Variants in LONRF2 observed in about 807,000 individuals in gnomAD.
LONRF2 encodes LON peptidase N-terminal domain and ring finger 2.
Under a neutral mutation model 66.6 loss-of-function variants are expected in LONRF2, and 35 were observed. The observed-to-expected ratio is 0.53, with a 90% CI of 0.40 to 0.70. The LOEUF is 0.70. Ranked by LOEUF, LONRF2 falls within the 30% of genes least tolerant of loss-of-function variation. LONRF2 has a pLI of 0.00. For missense variants in LONRF2, 902 were observed against 1,002.1 expected, an observed-to-expected ratio of 0.90 and a Z score of 1.35; for synonymous variants, 417 against 418.1, an observed-to-expected ratio of 1.00 and a Z score of 0.03.
chr2:100,298,630 T>C (rs1261402451), intron 7 of LONRF2, among the ~76,000 whole-genome samples: 1 of 152,208 alleles, frequency 6.6e-6, no homozygotes, highest in East Asian at 1.9e-4. Context: ...TACCTAAAAA[T>C]GTCCTTAACA....
rs1261140583 is a variant in LONRF2 at position 100,274,140 on chromosome 2, A to C, written c.*10158T>G. ...TCATCCTTCAAAGGTCACATGCGCCAACCAGCCGAGACTCATGACAGTAAA... is the reference window on the plus strand; with the variant it reads ...TCATCCTTCAAAGGTCACATGCGCCCACCAGCCGAGACTCATGACAGTAAA... On this transcript the variant is annotated 3_prime_UTR_variant, in exon 12 of 12. Coordinates refer to ENST00000393437, the MANE Select transcript of LONRF2 (RefSeq NM_198461.4). The C allele has an allele frequency of 6.6e-6, 1 of 152,172 alleles. No homozygotes were observed. Among genetic ancestry groups the C allele is most frequent in the East Asian group, 1.9e-4 (1 of 5,192 alleles). 9.4% of individuals were successfully genotyped at this position (152,172 alleles called of 1,614,324 possible). A position where few individuals can be genotyped will look rare whatever the true frequency, so the allele number is the denominator to read the frequency against.
rs549236388 is a variant in LONRF2, at chr2:100,278,447, C to G, written c.*5851G>C. On this transcript the variant is annotated 3_prime_UTR_variant, in exon 12 of 12. Transcript: ENST00000393437. ...AGGCCGTGCAGCTGCTCATCCGATACGGGACCCACTTGAGCCTAAACTTCC... is the reference window on the plus strand; with the variant it reads ...AGGCCGTGCAGCTGCTCATCCGATAGGGGACCCACTTGAGCCTAAACTTCC... 1 of 152,206 alleles carries G rather than the reference C, an allele frequency of 6.6e-6. No individual in the cohort carries two copies. Among genetic ancestry groups the G allele is most frequent in the African/African-American group, 2.4e-5 (1 of 41,396 alleles). The allele number at this position is 152,206 out of a possible 1,614,324, so 9.4% of individuals were successfully genotyped here.
At position 100,277,653 on chromosome 2, in the gene LONRF2, T is replaced by C. The variant is rs7590008; in HGVS notation, c.*6645A>G. The C allele has an allele frequency of 0.65, 98,785 of 151,448 alleles. 32,812 individuals are homozygous for C. The highest frequency in any genetic ancestry group is 0.96 in the East Asian group (4,937 of 5,136). The allele number at this position is 151,448 out of a possible 1,614,324, so 9.4% of individuals were successfully genotyped here. ...ATGGAGCCCAAGAGAATGTTGCTGCTTCCCATCTTTTAGCCAGCATGCCCT... is the reference window on the plus strand; with the variant it reads ...ATGGAGCCCAAGAGAATGTTGCTGCCTCCCATCTTTTAGCCAGCATGCCCT... On this transcript the variant is annotated 3_prime_UTR_variant, in exon 12 of 12. Transcript: ENST00000393437.
At position 100,292,413 on chromosome 2, in the gene LONRF2, A is replaced by T. The variant is rs1198172133; in HGVS notation, c.1757+1816T>A. On this transcript the variant is annotated intron_variant, in intron 9 of 11. Transcript: ENST00000393437. ...ATTAGCAATTTGTTTAAAAAAAGAA[A>T]AATAGCTGAATTCTTCCTACACACT... 2.6e-5 allele frequency among the ~76,000 whole-genome samples: 4 copies of T among 152,244 alleles called. No homozygotes were observed. The East Asian group carries it at 7.7e-4, about 29-fold the overall frequency.
At chr2:100,285,593 G>A (rs1674829431) in intron 11 of LONRF2, among the ~76,000 whole-genome samples, 1 of 152,184 alleles carries the variant, frequency 6.6e-6, no homozygotes, top group Non-Finnish European at 1.5e-5. Context: ...GGATTATCCT[G>A]ATGGGCCCAA....
chr2:100,289,886 T>C (rs1406076252), intron 10 of LONRF2, among the ~76,000 whole-genome samples: 2 of 152,152 alleles, frequency 1.3e-5, no homozygotes, highest in African/African-American at 4.8e-5. Context: ...GGAGGACTGC[T>C]TGAGCCCAGG....
Position 100,284,379 on chromosome 2 carries a change from G to A in LONRF2, c.2184C>T (p.Ala728=), listed in dbSNP as rs760277383. 3.1e-6 allele frequency: 5 copies of A among 1,599,402 alleles called. No homozygotes were observed. In the African/African-American group the frequency reaches 5.3e-5, roughly 17 times the overall value. ...GMTSLKERLL[A]IRRILVIITR... ...TGATGATGACTAATATCCGTCGGAT[G>A]GCAAGGAGCCGCTCTTTGAGCGAGG... The change falls in exon 12 of 12, where the codon GCC becomes GCT. Residue 728 remains alanine (A), a synonymous_variant. Transcript: ENST00000393437.
Position 100,309,095 on chromosome 2 carries a change from A to T in LONRF2, c.798+12T>A. 6.6e-7 allele frequency: 1 copy of T among 1,506,714 alleles called. No homozygotes were observed. Among genetic ancestry groups the T allele is most frequent in the Non-Finnish European group, 9.0e-7 (1 of 1,109,860 alleles). 93.3% of individuals were successfully genotyped at this position (1,506,714 alleles called of 1,614,324 possible). ...CACATTGATTATCTCCAAAGCTAAC[A>T]AATACAAATACCTTAATCAAGAGAG... is the stretch of plus-strand genomic sequence containing the variant. On this transcript the variant is annotated intron_variant, in intron 2 of 11. Transcript: ENST00000393437.
At position 100,281,998 on chromosome 2, in the gene LONRF2, A is replaced by G. The variant is rs561375760; in HGVS notation, c.*2300T>C. ...GTTTCTAAGTGCTCAGTAAGTACCA[A>G]TCTACTCCCACACTGCAGTATGTGG... On this transcript the variant is annotated 3_prime_UTR_variant, in exon 12 of 12. Coordinates refer to ENST00000393437, the MANE Select transcript of LONRF2 (RefSeq NM_198461.4). 2.6e-5 allele frequency: 4 copies of G among 152,162 alleles called. No individual in the cohort carries two copies. Among genetic ancestry groups the G allele is most frequent in the East Asian group, 1.9e-4 (1 of 5,176 alleles). 9.4% of individuals were successfully genotyped at this position (152,162 alleles called of 1,614,324 possible). A position where few individuals can be genotyped will look rare whatever the true frequency, so the allele number is the denominator to read the frequency against.
Position 100,321,733 on chromosome 2 carries a change from C to A in LONRF2, c.361G>T (p.Glu121Ter), listed in dbSNP as rs1193193209. The change falls in exon 1 of 12, where the codon GAG (glutamate) becomes TAG (stop). Residue 121 changes from glutamate to a stop codon, truncating the protein, a stop_gained. Coordinates refer to ENST00000393437, the MANE Select transcript of LONRF2 (RefSeq NM_198461.4). LOFTEE classifies it high-confidence loss of function. ...RPLSAENPGG[E>*]PEAPGEGGPA... The stretch of plus-strand genomic sequence containing the variant: ...CCTCCCTCGCCGGGCGCCTCGGGCT[C>A]GCCGCCCGGGTTCTCCGCGGACAGC... 2 of 1,115,900 alleles carry A rather than the reference C, an allele frequency of 1.8e-6. No homozygotes were observed. The highest frequency in any genetic ancestry group is 2.2e-6 in the Non-Finnish European group (2 of 916,622). 69.1% of individuals were successfully genotyped at this position (1,115,900 alleles called of 1,614,324 possible). A position where few individuals can be genotyped will look rare whatever the true frequency, so the allele number is the denominator to read the frequency against.
At position 100,295,505 on chromosome 2, in the gene LONRF2, T is replaced by C. The variant is rs772851549; in HGVS notation, c.1525A>G (p.Ile509Val). 27 of 1,613,702 alleles carry C rather than the reference T, an allele frequency of 1.7e-5. No individual in the cohort carries two copies. In the Admixed American group the frequency reaches 4.3e-4, roughly 26 times the overall value. Residue 509 changes from isoleucine (I) to valine (V), a missense_variant, in exon 8 of 12, where the codon ATA (isoleucine) becomes GTA (valine). Transcript: ENST00000393437. Reference protein sequence around the residue: ...FNITVLAEELIFRYLPDELSD... With the variant: ...FNITVLAEELVFRYLPDELSD... ...AATTCATCCGGCAAATATCGAAATA[T>C]TAATTCTTCGGCCAGAACAGTTATG...
At position 100,322,239 on chromosome 2, in the gene LONRF2, G is replaced by A. The variant is rs1425845776; in HGVS notation, c.-146C>T. The A allele has an allele frequency of 1.1e-5, 9 of 785,740 alleles. No homozygotes were observed. Among genetic ancestry groups the A allele is most frequent in the Non-Finnish European group, 1.5e-5 (9 of 605,240 alleles). The allele number at this position is 785,740 out of a possible 1,614,324, so 48.7% of individuals were successfully genotyped here. A position where few individuals can be genotyped will look rare whatever the true frequency, so the allele number is the denominator to read the frequency against. Reference sequence around the variant, plus strand: ...TGGGGGCGGCGCGCTGCGAGCGGCTGAGACCGCGGGCGGGGGCGGGCGCCT... The same window carrying A: ...TGGGGGCGGCGCGCTGCGAGCGGCTAAGACCGCGGGCGGGGGCGGGCGCCT... On this transcript the variant is annotated 5_prime_UTR_variant, in exon 1 of 12. Transcript: ENST00000393437.
chr2:100,298,425 A>T (rs1212552091), intron 7 of LONRF2, among the ~76,000 whole-genome samples: 2 of 152,200 alleles, frequency 1.3e-5, no homozygotes, highest in Admixed American at 1.3e-4. Flanking sequence ...ATAACTGACA[A>T]CTGTAAAAGC....
rs747801528 is a variant in LONRF2, at chr2:100,309,097, A to C, written c.798+10T>G. 6.6e-7 allele frequency: 1 copy of C among 1,521,752 alleles called. No homozygotes were observed. The allele number at this position is 1,521,752 out of a possible 1,614,324, so 94.3% of individuals were successfully genotyped here. A position where few individuals can be genotyped will look rare whatever the true frequency, so the allele number is the denominator to read the frequency against. ...CATTGATTATCTCCAAAGCTAACAA[A>C]TACAAATACCTTAATCAAGAGAGGT... On this transcript the variant is annotated intron_variant, in intron 2 of 11. Coordinates refer to ENST00000393437, the MANE Select transcript of LONRF2 (RefSeq NM_198461.4).
intron 2 of LONRF2, among the ~76,000 whole-genome samples, chr2:100,306,079 T>A (rs928574562): frequency 1.3e-5 from 2 of 149,934 alleles, no homozygotes; most frequent in African/African-American, 4.9e-5. Flanking sequence ...ATTTTTTGTG[T>A]GTGTGTGTAT....
At chr2:100,296,989 G>A (rs2105722541) in intron 7 of LONRF2, among the ~76,000 whole-genome samples, 1 of 152,222 alleles carries the variant, frequency 6.6e-6, no homozygotes, top group African/African-American at 2.4e-5. Context: ...GGAACATTAG[G>A]AACCCATGTA....
chr2:100,306,132 T>G (rs13023534), intron 2 of LONRF2, among the ~76,000 whole-genome samples: 67,502 of 151,510 alleles, frequency 0.45, 15,721 homozygotes, highest in East Asian at 0.71. Context: ...CAGGCTGGTC[T>G]TGAACTCCTG....
rs1409630866 is a variant in LONRF2, at chr2:100,312,175, G to C, written c.680-2950C>G. 4.6e-5 allele frequency among the ~76,000 whole-genome samples: 7 copies of C among 152,134 alleles called. No homozygotes were observed. In the South Asian group the frequency reaches 1.2e-3, roughly 27 times the overall value. ...TTCAGCAGAAGAGAATCCCTGAGGA[G>C]CATCTCAATTTTTTTGAAGGCTTTT... On this transcript the variant is annotated intron_variant, in intron 1 of 11. Coordinates refer to ENST00000393437, the MANE Select transcript of LONRF2 (RefSeq NM_198461.4).
intron 4 of LONRF2, 51 bp from the exon 5 acceptor site, chr2:100,299,969 T>C (rs767564336): frequency 3.0e-6 from 3 of 1,010,928 alleles, no homozygotes; most frequent in Non-Finnish European, 4.1e-6. Context: ...AATCATAGCA[T>C]AAGAGAAAAA....
Sources: gnomAD v4.1 joint callset for allele counts (sites outside exome capture counted in the v4.1 genomes callset) on GRCh38, gnomAD v4.1.1 for gene constraint, MANE v1.5 for transcripts, NCBI Gene and HGNC (gene_info 2026-07-23, HGNC 2026-07-21) for gene names.